Variants in PPP2R2A observed in about 807,000 individuals in gnomAD.
The protein encoded by PPP2R2A is serine/threonine-protein phosphatase 2A 55 kDa regulatory subunit B alpha isoform.
Under a neutral mutation model 53.2 loss-of-function variants are expected in PPP2R2A, and 9 were observed. The ratio of observed to expected loss-of-function variants is 0.17; its 90% CI spans 0.10 to 0.30. The LOEUF (loss-of-function observed/expected upper bound fraction) is 0.30, where lower values mean the gene tolerates loss of function less well. PPP2R2A is among the 10% of genes least tolerant of loss of function. The probability of loss-of-function intolerance (pLI) is 1.00; values close to 1 mark genes in which losing one functional copy is unlikely to be tolerated. For synonymous variants in PPP2R2A, 169 were observed against 174.2 expected (o/e 0.97, Z 0.23); for missense variants, 235 against 534.6 (o/e 0.44, Z 5.53).
intron 2 of PPP2R2A, among the ~76,000 whole-genome samples, chr8:26,306,577 T>C (rs1186698260): frequency 6.6e-6 from 1 of 152,098 alleles, no homozygotes; most frequent in Non-Finnish European, 1.5e-5. Flanking sequence ...AGACTACATT[T>C]ACATCTAACT....
intron 2 of PPP2R2A, among the ~76,000 whole-genome samples, chr8:26,295,292 C>T (rs887967790): frequency 2.6e-5 from 4 of 152,150 alleles, no homozygotes; most frequent in African/African-American, 9.7e-5. Flanking sequence ...AGAAAGATCA[C>T]ATGGCTTTTA....
intron 4 of PPP2R2A, among the ~76,000 whole-genome samples, chr8:26,356,114 C>T (rs953520967): frequency 3.3e-5 from 5 of 152,056 alleles, no homozygotes; most frequent in African/African-American, 1.2e-4. Flanking sequence ...TGAGGGGAAC[C>T]TCTTATTTTC....
intron 4 of PPP2R2A, among the ~76,000 whole-genome samples, chr8:26,359,732 C>T (rs1179645110): frequency 6.6e-6 from 1 of 152,182 alleles, no homozygotes; most frequent in Non-Finnish European, 1.5e-5. Flanking sequence ...CAAGGGAGAG[C>T]AGCTTTACTA....
intron 2 of PPP2R2A, among the ~76,000 whole-genome samples, chr8:26,306,543 G>A (rs1802033146): frequency 6.7e-6 from 1 of 149,758 alleles, no homozygotes; most frequent in Non-Finnish European, 1.5e-5. Flanking sequence ...ACATTTTACA[G>A]CACTGTACTT....
intron 2 of PPP2R2A, among the ~76,000 whole-genome samples, chr8:26,295,585 T>G (rs186825007): frequency 6.6e-6 from 1 of 152,352 alleles, no homozygotes; most frequent in Admixed American, 6.5e-5. Flanking sequence ...TGCTGATACT[T>G]AGTAGCTGCA....
intron 4 of PPP2R2A, among the ~76,000 whole-genome samples, chr8:26,358,421 C>A (rs1804905782): frequency 6.6e-6 from 1 of 152,036 alleles, no homozygotes; most frequent in Non-Finnish European, 1.5e-5. Context: ...AACTAAATAA[C>A]ACATAGAAAA....
chr8:26,344,449 A>G (rs1360706688), intron 3 of PPP2R2A, among the ~76,000 whole-genome samples: 2 of 152,220 alleles, frequency 1.3e-5, no homozygotes, highest in African/African-American at 4.8e-5. Flanking sequence ...TCACACAGGA[A>G]AATCAGTCTC....
intron 4 of PPP2R2A, among the ~76,000 whole-genome samples, chr8:26,359,870 C>T (rs1804990181): frequency 1.3e-5 from 2 of 152,192 alleles, no homozygotes; most frequent in South Asian, 4.1e-4. Flanking sequence ...ATACACCACA[C>T]ATGCATATCA....
chr8:26,367,410 A>T (rs1443228731), intron 9 of PPP2R2A, among the ~76,000 whole-genome samples: 1 of 152,256 alleles, frequency 6.6e-6, no homozygotes, highest in Non-Finnish European at 1.5e-5. Context: ...GCAGATAATT[A>T]GCAGTTTTAT....
intron 2 of PPP2R2A, among the ~76,000 whole-genome samples, chr8:26,316,218 A>G (rs2117251039): frequency 6.6e-6 from 1 of 152,172 alleles, no homozygotes; most frequent in South Asian, 2.1e-4. Context: ...ATGTTGGCCA[A>G]GGTGTTCTCG....
At chr8:26,308,909 G>T (rs568379799) in intron 2 of PPP2R2A, among the ~76,000 whole-genome samples, 1 of 152,196 alleles carries the variant, frequency 6.6e-6, no homozygotes, top group Non-Finnish European at 1.5e-5. Flanking sequence ...TGCCCAGGCT[G>T]CAGTGCAGTG....
intron 2 of PPP2R2A, among the ~76,000 whole-genome samples, chr8:26,314,892 C>T (rs1156419522): frequency 3.0e-4 from 38 of 125,572 alleles, no homozygotes; most frequent in African/African-American, 1.2e-3. Context: ...TTCCCTTCCC[C>T]CCCCCCCCCC....
Position 26,338,796 on chromosome 8 carries a change from A to C in PPP2R2A, c.83-94A>C. The C allele has an allele frequency of 1.3e-6, 1 of 757,274 alleles. No individual in the cohort carries two copies. The highest frequency in any genetic ancestry group is 2.2e-6 in the Non-Finnish European group (1 of 458,022). The allele number at this position is 757,274 out of a possible 1,614,324, so 46.9% of individuals were successfully genotyped here. On this transcript the variant is annotated intron_variant, in intron 2 of 9. Coordinates refer to ENST00000380737, the MANE Select transcript of PPP2R2A (RefSeq NM_002717.4). The surrounding 1 kb of genome is among the most constrained non-coding windows in gnomAD (Gnocchi z 4.5). ...TGTACTTCAAAGATATACTTCATAG[A>C]CTTGGAATGTTTGGGAAAACACGCT...
At chr8:26,369,986 T>C (rs1805590388) in intron 9 of PPP2R2A, 148 bp from the exon 10 acceptor site, 1 of 731,714 alleles carries the variant, frequency 1.4e-6, no homozygotes, top group Non-Finnish European at 2.2e-6. Context: ...TGGTTTATTC[T>C]AGTGATTGAG....
Position 26,372,044 on chromosome 8 carries a change from A to G in PPP2R2A, c.*1631A>G, listed in dbSNP as rs1031362931. ...CCACTACCTATTGTTCTATTCTTCA[A>G]TAATGAAAAAGAATTCAACGAGCCG... On this transcript the variant is annotated 3_prime_UTR_variant, in exon 10 of 10. Coordinates refer to ENST00000380737, the MANE Select transcript of PPP2R2A (RefSeq NM_002717.4). The G allele has an allele frequency of 2.0e-5, 3 of 152,230 alleles. No individual in the cohort carries two copies. The highest frequency in any genetic ancestry group is 6.5e-5 in the Admixed American group (1 of 15,286). The allele number at this position is 152,230 out of a possible 1,614,324, so 9.4% of individuals were successfully genotyped here.
intron 3 of PPP2R2A, among the ~76,000 whole-genome samples, chr8:26,342,519 G>A (rs1466974305): frequency 1.3e-5 from 2 of 152,102 alleles, no homozygotes; most frequent in African/African-American, 4.8e-5. Flanking sequence ...CTACTGAGTT[G>A]GGTTGCTCAG....
chr8:26,336,088 A>G (rs1018096708), intron 2 of PPP2R2A, among the ~76,000 whole-genome samples: 4 of 152,226 alleles, frequency 2.6e-5, no homozygotes, highest in African/African-American at 4.8e-5. Flanking sequence ...TGTACCTACA[A>G]TCATTACTTG....
At chr8:26,292,018 C>T in intron 1 of PPP2R2A, 192 bp downstream of exon 1, 2 of 923,518 alleles carry the variant, frequency 2.2e-6, no homozygotes, top group Non-Finnish European at 1.3e-6. Flanking sequence ...GTGAGAGTCA[C>T]TGGGCTTGGA....
rs545885060 is a variant in PPP2R2A at position 26,322,958 on chromosome 8, C to G, written c.83-15932C>G. Among the ~76,000 whole-genome samples the G allele has an allele frequency of 4.6e-5, 7 of 152,314 alleles. No homozygotes were observed. In the South Asian group the frequency reaches 1.2e-3, roughly 27 times the overall value. On this transcript the variant is annotated intron_variant, in intron 2 of 9. Transcript: ENST00000380737. ...AACCAAGTTTCATTCTCAGCCCTCTCTTGATCTTTAAGTACCTTTGGATGC... is the reference window on the plus strand; with the variant it reads ...AACCAAGTTTCATTCTCAGCCCTCTGTTGATCTTTAAGTACCTTTGGATGC...
Sources: gnomAD v4.1 joint callset for allele counts (sites outside exome capture counted in the v4.1 genomes callset) on GRCh38, gnomAD v4.1.1 for gene constraint, Gnocchi (gnomAD v3.1) non-coding constraint, MANE v1.5 for transcripts, NCBI Gene and HGNC (gene_info 2026-07-23, HGNC 2026-07-21) for gene names.